Variants in TNFRSF21 observed in about 807,000 individuals in gnomAD.
TNFRSF21 encodes TNF receptor superfamily member 21, also known as tumor necrosis factor receptor superfamily member 21.
TNFRSF21 carries 19 observed loss-of-function variants against 45.6 expected under a neutral mutation model. The ratio of observed to expected loss-of-function variants is 0.42; its 90% CI spans 0.29 to 0.61. The LOEUF (loss-of-function observed/expected upper bound fraction) is 0.61. TNFRSF21 is among the 20% of genes least tolerant of loss of function. The pLI, the probability that TNFRSF21 is intolerant of heterozygous loss-of-function variation, is 0.23. For missense variants in TNFRSF21, 737 were observed against 851.5 expected (o/e 0.87, Z 1.67); for synonymous variants, 314 against 335.5 (o/e 0.94, Z 0.70).
chr6:47,297,024 T>C (rs1762798426), intron 1 of TNFRSF21, among the ~76,000 whole-genome samples: 1 of 152,206 alleles, frequency 6.6e-6, no homozygotes, highest in East Asian at 1.9e-4. Context: ...CGGCTTATGC[T>C]TGACATCAGA....
At chr6:47,261,093 A>AC (rs560166640) in intron 3 of TNFRSF21, among the ~76,000 whole-genome samples, 18 of 151,540 alleles carry the variant, frequency 1.2e-4, no homozygotes, top group East Asian at 7.8e-4. Context: ...CCCTTCTAAC[A>AC]CCCCCCCAAA....
intron 3 of TNFRSF21, among the ~76,000 whole-genome samples, chr6:47,282,501 T>C (rs1169095587): frequency 6.6e-6 from 1 of 151,244 alleles, no homozygotes; most frequent in Non-Finnish European, 1.5e-5. Flanking sequence ...CACAAATCAA[T>C]AAGGGGAAGC....
rs148356019 is a variant in TNFRSF21, at chr6:47,262,006, A to C, written c.1244-8485T>G. ...TAGTCCTTCCCTAACTGAGGTGTAA[A>C]AGTTAGAAGATCTGTTTAGATTTTA... On this transcript the variant is annotated intron_variant, in intron 3 of 5. Coordinates refer to ENST00000296861, the MANE Select transcript of TNFRSF21 (RefSeq NM_014452.5). Among the ~76,000 whole-genome samples, 535 of 152,332 alleles carry C rather than the reference A, an allele frequency of 3.5e-3. 1 individual carries two copies. Among genetic ancestry groups the C allele is most frequent in the African/African-American group, 0.012 (501 of 41,568 alleles).
intron 3 of TNFRSF21, among the ~76,000 whole-genome samples, chr6:47,258,329 C>T (rs774155117): frequency 6.6e-6 from 1 of 151,316 alleles, no homozygotes; most frequent in Non-Finnish European, 1.5e-5. Context: ...AGGATTGTAC[C>T]ACCGCACCCC....
chr6:47,287,727 A>G lies in TNFRSF21; in HGVS notation c.97-1132T>C, dbSNP rs952475901. On this transcript the variant is annotated intron_variant, in intron 1 of 5. Transcript: ENST00000296861. ...ACTCCTAGAAAATCAACACAAGATA[A>G]AAATGGGTGAAAAACTTGAGCAGGC... Among the ~76,000 whole-genome samples the G allele has an allele frequency of 2.6e-5, 4 of 152,370 alleles. No individual in the cohort carries two copies. In the South Asian group the frequency reaches 6.2e-4, roughly 24 times the overall value.
At chr6:47,275,735 C>T (rs1762487739) in intron 3 of TNFRSF21, among the ~76,000 whole-genome samples, 1 of 152,124 alleles carries the variant, frequency 6.6e-6, no homozygotes, top group East Asian at 1.9e-4. Flanking sequence ...TTTCCCCCAA[C>T]CCTGTGACCT....
intron 1 of TNFRSF21, among the ~76,000 whole-genome samples, chr6:47,287,380 A>G (rs1306246528): frequency 6.6e-6 from 1 of 151,772 alleles, no homozygotes; most frequent in African/African-American, 2.4e-5. Flanking sequence ...GCAACAGGAA[A>G]ATAACTTGCT....
chr6:47,234,555 T>C, intron 5 of TNFRSF21, 115 bp downstream of exon 5: 2 of 834,924 alleles, frequency 2.4e-6, no homozygotes, highest in Admixed American at 2.5e-5. Context: ...CCTGGGCAGG[T>C]AATTCAGATG....
intron 1 of TNFRSF21, among the ~76,000 whole-genome samples, chr6:47,295,386 G>A (rs1009677707): frequency 1.3e-5 from 2 of 152,148 alleles, no homozygotes; most frequent in East Asian, 1.9e-4. Context: ...AAGTCAAGGC[G>A]GAAATAAACT....
intron 3 of TNFRSF21, among the ~76,000 whole-genome samples, chr6:47,277,968 G>A (rs1429537222): frequency 1.3e-5 from 2 of 152,062 alleles, no homozygotes; most frequent in Non-Finnish European, 2.9e-5. Flanking sequence ...AGTTAAACAC[G>A]AGCACCTAAG....
At chr6:47,234,519 G>T in intron 5 of TNFRSF21, 151 bp downstream of exon 5, 4 of 681,034 alleles carry the variant, frequency 5.9e-6, no homozygotes, top group Non-Finnish European at 9.9e-6. Context: ...TCGGGCCAGC[G>T]TATCTTGAAG....
Position 47,253,505 on chromosome 6 carries a change from C to T in TNFRSF21, c.1260G>A (p.Lys420=). The part of the protein sequence containing the change: ...YCNGHGIDIL[K]LVAAQVGSQW... ...GGCTTCCCACTTGGGCTGCTACAAG[C>T]TTCAGGATATCGATACCTACACCAG... Residue 420 remains lysine, a synonymous_variant, in exon 4 of 6, where the codon AAG becomes AAA. Transcript: ENST00000296861. 6.2e-7 allele frequency: 1 copy of T among 1,612,366 alleles called. No individual in the cohort carries two copies. Among genetic ancestry groups the T allele is most frequent in the African/African-American group, 1.3e-5 (1 of 74,990 alleles).
chr6:47,256,405 T>G (rs1195068283), intron 3 of TNFRSF21, among the ~76,000 whole-genome samples: 1 of 152,176 alleles, frequency 6.6e-6, no homozygotes, highest in African/African-American at 2.4e-5. Flanking sequence ...AGGCCTATAT[T>G]CCCAGCTACT....
intron 5 of TNFRSF21, 39 bp downstream of exon 5, chr6:47,234,631 G>T: frequency 6.6e-7 from 1 of 1,524,772 alleles, no homozygotes; most frequent in East Asian, 2.3e-5. Context: ...TCTTTGGGGG[G>T]TTTAAGTGCG....
chr6:47,286,679 C>T, intron 1 of TNFRSF21, 84 bp from the exon 2 acceptor site: 2 of 1,357,602 alleles, frequency 1.5e-6, no homozygotes, highest in Admixed American at 2.5e-5. Context: ...GCCAACAATT[C>T]CAGCACCACC....
At chr6:47,241,668 T>G (rs1263621712) in intron 4 of TNFRSF21, among the ~76,000 whole-genome samples, 2 of 152,170 alleles carry the variant, frequency 1.3e-5, no homozygotes, top group African/African-American at 4.8e-5. Context: ...TGAATCTAGA[T>G]GGTAGATTTA....
intron 1 of TNFRSF21, among the ~76,000 whole-genome samples, chr6:47,287,946 T>G (rs1299121354): frequency 6.6e-6 from 1 of 152,248 alleles, no homozygotes; most frequent in African/African-American, 2.4e-5. Flanking sequence ...CATACATTTC[T>G]GATAAAGGCA....
intron 4 of TNFRSF21, among the ~76,000 whole-genome samples, chr6:47,245,162 C>G (rs1289275167): frequency 6.6e-6 from 1 of 152,122 alleles, no homozygotes; most frequent in Non-Finnish European, 1.5e-5. Flanking sequence ...TGGTGAGACA[C>G]TCTGTCTCAG....
At chr6:47,284,929 C>A (rs1460298115) in intron 2 of TNFRSF21, among the ~76,000 whole-genome samples, 1 of 152,234 alleles carries the variant, frequency 6.6e-6, no homozygotes, top group Non-Finnish European at 1.5e-5. Flanking sequence ...TAGGACAGGT[C>A]AGCAAATAAG....
Sources: gnomAD v4.1 joint callset for allele counts (sites outside exome capture counted in the v4.1 genomes callset) on GRCh38, gnomAD v4.1.1 for gene constraint, MANE v1.5 for transcripts, NCBI Gene and HGNC (gene_info 2026-07-23, HGNC 2026-07-21) for gene names.